Variants in CSRNP3 observed in about 807,000 individuals in gnomAD.
The protein encoded by CSRNP3 is cysteine/serine-rich nuclear protein 3.
CSRNP3 carries 12 observed loss-of-function variants against 48.0 expected under a neutral mutation model. That is an observed-to-expected ratio of 0.25 (90% CI 0.16 to 0.41). The LOEUF (loss-of-function observed/expected upper bound fraction) is 0.41. Ranked by LOEUF, CSRNP3 falls within the 10% of genes least tolerant of loss-of-function variation. The pLI is 1.00. For missense variants in CSRNP3, 580 were observed against 724.4 expected (o/e 0.80, Z 2.29); for synonymous variants, 263 against 269.7 (o/e 0.98, Z 0.24).
At chr2:165,512,425 C>T (rs978898484) in intron 2 of CSRNP3, among the ~76,000 whole-genome samples, 4 of 152,188 alleles carry the variant, frequency 2.6e-5, no homozygotes, top group Admixed American at 1.3e-4. Flanking sequence ...GAATTATTAC[C>T]TGAACAATTT....
At position 165,495,250 on chromosome 2, in the gene CSRNP3, G is replaced by A. The variant is rs112143167; in HGVS notation, c.-113+322G>A. Among the ~76,000 whole-genome samples the A allele has an allele frequency of 7.5e-3, 1,141 of 152,082 alleles. 13 individuals are homozygous for A. Among genetic ancestry groups the A allele is most frequent in the African/African-American group, 0.026 (1,070 of 41,510 alleles). On this transcript the variant is annotated intron_variant, in intron 2 of 6. Coordinates refer to ENST00000651982, the MANE Select transcript of CSRNP3 (RefSeq NM_001172173.2). ...TCTAATCAGTTAAGCCATTTTGAAC[G>A]TCTATAGATTGGTCAATGAGTTACA...
chr2:165,560,015 G>A (rs966585693), intron 3 of CSRNP3, among the ~76,000 whole-genome samples: 1 of 151,798 alleles, frequency 6.6e-6, no homozygotes, highest in Non-Finnish European at 1.5e-5. Flanking sequence ...TAGCCAGGAT[G>A]GTCTCGATCT....
intron 3 of CSRNP3, among the ~76,000 whole-genome samples, chr2:165,561,939 A>G (rs1027979492): frequency 6.6e-6 from 1 of 152,174 alleles, no homozygotes; most frequent in Non-Finnish European, 1.5e-5. Flanking sequence ...ATGAATATAC[A>G]TGAAAATTCC....
chr2:165,533,101 G>T (rs914231539), intron 3 of CSRNP3, among the ~76,000 whole-genome samples: 1 of 151,888 alleles, frequency 6.6e-6, no homozygotes, highest in Non-Finnish European at 1.5e-5. Context: ...CTTCAACAGG[G>T]GTTTGATCTC....
intron 3 of CSRNP3, among the ~76,000 whole-genome samples, chr2:165,573,828 C>A (rs138477604): frequency 1.3e-5 from 2 of 151,846 alleles, no homozygotes; most frequent in Non-Finnish European, 2.9e-5. Flanking sequence ...ATTATACGTG[C>A]AATATGTATT....
intron 4 of CSRNP3, among the ~76,000 whole-genome samples, chr2:165,622,664 C>G (rs116670117): frequency 0.011 from 1,618 of 152,192 alleles, 38 homozygotes; most frequent in African/African-American, 0.037. Context: ...GTTCCCATTT[C>G]TCCAGTGGGA....
At chr2:165,538,657 T>A (rs1558928673) in intron 3 of CSRNP3, among the ~76,000 whole-genome samples, 1 of 151,918 alleles carries the variant, frequency 6.6e-6, no homozygotes, top group Non-Finnish European at 1.5e-5. Context: ...TTTCTCCCAT[T>A]TTTTTCATAG....
chr2:165,593,036 C>T (rs1331809445), intron 3 of CSRNP3, among the ~76,000 whole-genome samples: 16 of 151,844 alleles, frequency 1.1e-4, no homozygotes, highest in Admixed American at 5.2e-4. Context: ...CTCCTGACCT[C>T]GTGATCCGCC....
chr2:165,532,300 A>G (rs1403636718), intron 3 of CSRNP3, among the ~76,000 whole-genome samples: 1 of 152,188 alleles, frequency 6.6e-6, no homozygotes, highest in African/African-American at 2.4e-5. Flanking sequence ...CATCGATGCA[A>G]AAATCCTCAA....
intron 3 of CSRNP3, among the ~76,000 whole-genome samples, chr2:165,578,337 T>A (rs1212295334): frequency 2.6e-5 from 4 of 152,070 alleles, no homozygotes; most frequent in Admixed American, 2.6e-4. Context: ...GCCACATGTG[T>A]TCATGCTCAT....
chr2:165,679,126 A>C lies in CSRNP3; in HGVS notation c.1131A>C (p.Glu377Asp). Residue 377 changes from glutamate to aspartate, a missense_variant, in exon 7 of 7, where the codon GAA (glutamate) becomes GAC (aspartate). Coordinates refer to ENST00000651982, the MANE Select transcript of CSRNP3 (RefSeq NM_001172173.2). ...CAGACGAGGAGGAGGAGGAAGAAGA[A>C]GAGGAAGAGGAGGAGGAGGATGACG... ...SESDEEEEEE[E>D]EEEEEEDDDD... The C allele has an allele frequency of 6.2e-7, 1 of 1,613,782 alleles. No individual in the cohort carries two copies. Among genetic ancestry groups the C allele is most frequent in the Non-Finnish European group, 8.5e-7 (1 of 1,179,880 alleles).
chr2:165,516,449 G>A (rs1256727983), intron 2 of CSRNP3, among the ~76,000 whole-genome samples: 2 of 152,062 alleles, frequency 1.3e-5, no homozygotes, highest in Non-Finnish European at 2.9e-5. Context: ...AACGTACAGA[G>A]AGGTTGCTGT....
intron 2 of CSRNP3, among the ~76,000 whole-genome samples, chr2:165,510,185 GT>G (rs1189994205): frequency 2.6e-5 from 4 of 151,932 alleles, no homozygotes; most frequent in African/African-American, 9.7e-5. Flanking sequence ...TTCACGCTCT[GT>G]TTTTTTGAAA....
intron 4 of CSRNP3, among the ~76,000 whole-genome samples, chr2:165,652,954 C>A (rs150449251): frequency 3.0e-4 from 46 of 152,286 alleles, no homozygotes; most frequent in African/African-American, 1.1e-3. Flanking sequence ...TGTAGAGACA[C>A]AAAGTAGAGC....
In CSRNP3 at chr2:165,681,825, G is replaced by GTATATATA. The variant is rs1372492845; in HGVS notation, c.*2073_*2074insATATATAT. ...TGTATGTGTGTGTGTGTGTGTGTGT[G>GTATATATA]TGTGTATATATATATATCCCATGTT... is the stretch of plus-strand genomic sequence containing the variant. On this transcript the variant is annotated 3_prime_UTR_variant, in exon 7 of 7. Transcript: ENST00000651982. 7.1e-6 allele frequency: 1 copy of GTATATATA among 141,012 alleles called. No homozygotes were observed. The highest frequency in any genetic ancestry group is 2.6e-5 in the African/African-American group (1 of 37,886). The allele number at this position is 141,012 out of a possible 1,614,324, so 8.7% of individuals were successfully genotyped here. A position where few individuals can be genotyped will look rare whatever the true frequency, so the allele number is the denominator to read the frequency against.
chr2:165,667,742 A>C (rs1687258793), intron 5 of CSRNP3, among the ~76,000 whole-genome samples: 1 of 152,148 alleles, frequency 6.6e-6, no homozygotes. Flanking sequence ...CTGCTTTGTG[A>C]CTTTGTACCT....
At chr2:165,595,697 T>C (rs1685798743) in intron 4 of CSRNP3, among the ~76,000 whole-genome samples, 1 of 152,202 alleles carries the variant, frequency 6.6e-6, no homozygotes. Context: ...TGTGCAAGTG[T>C]GTACAGTCTA....
intron 1 of CSRNP3, among the ~76,000 whole-genome samples, chr2:165,471,321 T>TCAATAA (rs1361238072): frequency 1.2e-4 from 19 of 152,126 alleles, no homozygotes; most frequent in Admixed American, 7.9e-4. Flanking sequence ...CCGATTTTGT[T>TCAATAA]TTTTTAAGCA....
chr2:165,557,336 C>G (rs1685172690), intron 3 of CSRNP3, among the ~76,000 whole-genome samples: 1 of 152,210 alleles, frequency 6.6e-6, no homozygotes, highest in Admixed American at 6.5e-5. Context: ...CTTGTGACGG[C>G]AACCATATGT....
Sources: gnomAD v4.1 joint callset for allele counts (sites outside exome capture counted in the v4.1 genomes callset) on GRCh38, gnomAD v4.1.1 for gene constraint, MANE v1.5 for transcripts, NCBI Gene and HGNC (gene_info 2026-07-23, HGNC 2026-07-21) for gene names.